NPAS3: variants seen among roughly 807,000 people sequenced by gnomAD.
The protein encoded by NPAS3 is neuronal PAS domain protein 3, also known as neuronal PAS domain-containing protein 3.
NPAS3 carries 14 observed loss-of-function variants against 73.1 expected under a neutral mutation model. The observed-to-expected ratio is 0.19, with a 90% CI of 0.13 to 0.30. The LOEUF (loss-of-function observed/expected upper bound fraction) is 0.30, where lower values mean the gene tolerates loss of function less well. NPAS3 is among the 10% of genes least tolerant of loss of function. NPAS3 has a pLI of 1.00. For missense variants in NPAS3, 1,096 were observed against 1,250.0 expected (o/e 0.88, Z 1.86); for synonymous variants, 620 against 541.5 (o/e 1.14, Z -2.01).
chr14:32,944,390 A>C (rs1566786741), intron 1 of NPAS3, among the ~76,000 whole-genome samples: 1 of 152,342 alleles, frequency 6.6e-6, no homozygotes, highest in Non-Finnish European at 1.5e-5. Context: ...TAGTATGTTA[A>C]ATTTTACTTG....
chr14:33,531,569 G>T (rs150033347), intron 4 of NPAS3, among the ~76,000 whole-genome samples: 5 of 152,024 alleles, frequency 3.3e-5, no homozygotes, highest in African/African-American at 1.2e-4. Flanking sequence ...CAGTTTTTCT[G>T]TTCAACCATT....
At chr14:33,106,167 A>G (rs958738694) in intron 2 of NPAS3, among the ~76,000 whole-genome samples, 2 of 152,172 alleles carry the variant, frequency 1.3e-5, no homozygotes, top group African/African-American at 4.8e-5. Context: ...TTCATCCAAT[A>G]TAGACTTTTC....
chr14:33,653,086 G>T (rs1456969696), intron 5 of NPAS3, among the ~76,000 whole-genome samples: 1 of 152,180 alleles, frequency 6.6e-6, no homozygotes. Flanking sequence ...CTTCCATTTT[G>T]CCTTTAACAC....
intron 4 of NPAS3, among the ~76,000 whole-genome samples, chr14:33,373,149 T>A (rs1389463164): frequency 6.6e-6 from 1 of 152,194 alleles, no homozygotes; most frequent in Non-Finnish European, 1.5e-5. Flanking sequence ...GATTTCTGAA[T>A]GGAATGTTTT....
intron 3 of NPAS3, among the ~76,000 whole-genome samples, chr14:33,237,274 C>T (rs1330271693): frequency 6.6e-6 from 1 of 152,070 alleles, no homozygotes; most frequent in African/African-American, 2.4e-5. Flanking sequence ...CTGTAGCTCT[C>T]ATGTTTTCTC....
intron 2 of NPAS3, among the ~76,000 whole-genome samples, chr14:33,074,226 T>A (rs2041581360): frequency 6.6e-6 from 1 of 152,204 alleles, no homozygotes; most frequent in Non-Finnish European, 1.5e-5. Flanking sequence ...ATGGCCAACA[T>A]TTAATTCATA....
chr14:33,685,496 C>T (rs992242183), intron 6 of NPAS3, among the ~76,000 whole-genome samples: 3 of 151,630 alleles, frequency 2.0e-5, no homozygotes, highest in East Asian at 1.9e-4. Flanking sequence ...CCTAACACTG[C>T]TCCTGCTGCA....
At chr14:33,696,922 T>G (rs2060399799) in intron 6 of NPAS3, among the ~76,000 whole-genome samples, 1 of 152,210 alleles carries the variant, frequency 6.6e-6, no homozygotes, top group Admixed American at 6.5e-5. Context: ...CCAAATCAAC[T>G]TGGAATACCA....
At chr14:33,323,533 T>C (rs955161968) in intron 3 of NPAS3, among the ~76,000 whole-genome samples, 2 of 152,182 alleles carry the variant, frequency 1.3e-5, no homozygotes, top group Non-Finnish European at 2.9e-5. Flanking sequence ...TGGTAACAAC[T>C]TTGTATGTTA....
At chr14:33,181,102 G>A (rs901548614) in intron 2 of NPAS3, among the ~76,000 whole-genome samples, 1 of 152,164 alleles carries the variant, frequency 6.6e-6, no homozygotes, top group Non-Finnish European at 1.5e-5. Flanking sequence ...TGAATGAGGA[G>A]AGATACCATT....
At chr14:33,287,925 T>G (rs150964067) in intron 3 of NPAS3, among the ~76,000 whole-genome samples, 2 of 152,190 alleles carry the variant, frequency 1.3e-5, no homozygotes, top group South Asian at 2.1e-4. Context: ...TGTTTTATTA[T>G]GTTTGCAAGT....
At chr14:33,651,751 C>T (rs147005809) in intron 5 of NPAS3, among the ~76,000 whole-genome samples, 26 of 152,212 alleles carry the variant, frequency 1.7e-4, no homozygotes, top group Middle Eastern at 3.4e-3. Context: ...ACCTGATAGA[C>T]GTAAATGCTC....
At position 33,567,874 on chromosome 14, in the gene NPAS3, A is replaced by T. The variant is rs182822992; in HGVS notation, c.558+7664A>T. ...CGTCATCATACGTGAGAATCATGTTATTCTTATTTGTTCCTTTGAACATAT... is the reference window on the plus strand; with the variant it reads ...CGTCATCATACGTGAGAATCATGTTTTTCTTATTTGTTCCTTTGAACATAT... On this transcript the variant is annotated intron_variant, in intron 5 of 11. Transcript: ENST00000356141. 6.6e-5 allele frequency among the ~76,000 whole-genome samples: 10 copies of T among 152,304 alleles called. No individual in the cohort carries two copies. In the East Asian group the frequency reaches 1.9e-3, roughly 29 times the overall value.
Position 33,793,888 on chromosome 14 carries a change from T to C in NPAS3, c.1154-9T>C. The C allele has an allele frequency of 6.2e-7, 1 of 1,606,578 alleles. No individual in the cohort carries two copies. Among genetic ancestry groups the C allele is most frequent in the Non-Finnish European group, 8.5e-7 (1 of 1,177,466 alleles). On this transcript the variant is annotated splice_polypyrimidine_tract_variant and intron_variant, in intron 9 of 11. Coordinates refer to ENST00000356141, the Ensembl canonical transcript of NPAS3. ...AATACAATGCCTCTGTTTTGTTTTT[T>C]TTCGCCAGTGCTGAATAAGGGTCAG... is the stretch of plus-strand genomic sequence containing the variant.
chr14:33,518,023 A>G (rs1034436926), intron 4 of NPAS3, among the ~76,000 whole-genome samples: 1 of 152,158 alleles, frequency 6.6e-6, no homozygotes, highest in Non-Finnish European at 1.5e-5. Flanking sequence ...ACTACAAGGT[A>G]AAACCAGATG....
chr14:33,421,794 T>C (rs535017438), intron 4 of NPAS3, among the ~76,000 whole-genome samples: 58 of 152,120 alleles, frequency 3.8e-4, no homozygotes, highest in African/African-American at 1.3e-3. Context: ...GACTCTGTTA[T>C]ATCTTGAAAA....
At chr14:33,219,904 T>G (rs2139702307) in intron 3 of NPAS3, among the ~76,000 whole-genome samples, 1 of 152,286 alleles carries the variant, frequency 6.6e-6, no homozygotes, top group East Asian at 1.9e-4. Context: ...GTCTAAGCAG[T>G]TCAGGGATTT....
At chr14:32,951,943 T>C (rs2036499881) in intron 1 of NPAS3, among the ~76,000 whole-genome samples, 1 of 152,100 alleles carries the variant, frequency 6.6e-6, no homozygotes, top group Non-Finnish European at 1.5e-5. Flanking sequence ...TAAGATTTCT[T>C]ACATCTAGTA....
At chr14:33,579,756 G>C (rs2056590211) in intron 5 of NPAS3, among the ~76,000 whole-genome samples, 1 of 151,980 alleles carries the variant, frequency 6.6e-6, no homozygotes, top group African/African-American at 2.4e-5. Context: ...AAAATAAACT[G>C]TGTAATGAAA....
Sources: gnomAD v4.1 joint callset for allele counts (sites outside exome capture counted in the v4.1 genomes callset) on GRCh38, gnomAD v4.1.1 for gene constraint, MANE v1.5 for transcripts, NCBI Gene and HGNC (gene_info 2026-07-23, HGNC 2026-07-21) for gene names.